Variants in TARS3 observed in about 807,000 individuals in gnomAD.
TARS3 encodes threonyl-tRNA synthetase 3, also known as threonine--tRNA ligase 2, cytoplasmic.
Under a neutral mutation model 103.5 loss-of-function variants are expected in TARS3, and 94 were observed. That is an observed-to-expected ratio of 0.91 (90% CI 0.77 to 1.08). TARS3 has a LOEUF of 1.08. TARS3 is among the 50% of genes least tolerant of loss of function. The pLI is 0.00. For missense variants in TARS3, 952 were observed against 995.2 expected, an observed-to-expected ratio of 0.96 and a Z score of 0.58; for synonymous variants, 416 against 355.4, an observed-to-expected ratio of 1.17 and a Z score of -1.92.
chr15:101,691,784 C>T (rs1268369184), intron 10 of TARS3, among the ~76,000 whole-genome samples: 1 of 152,118 alleles, frequency 6.6e-6, no homozygotes, highest in Non-Finnish European at 1.5e-5. Context: ...CCTTGTTGAT[C>T]CTAGATATCT....
chr15:101,659,314 A>G (rs1897293774), intron 16 of TARS3, among the ~76,000 whole-genome samples: 2 of 152,300 alleles, frequency 1.3e-5, no homozygotes, highest in South Asian at 2.1e-4. Flanking sequence ...TTTATTCTCA[A>G]ATTACAAACA....
At chr15:101,692,104 T>A (rs971561547) in intron 10 of TARS3, among the ~76,000 whole-genome samples, 1 of 152,258 alleles carries the variant, frequency 6.6e-6, no homozygotes, top group Admixed American at 6.5e-5. Flanking sequence ...ACTTTCCATA[T>A]GGTTTCTGAT....
chr15:101,723,225 A>C, intron 1 of TARS3, 61 bp from the exon 2 acceptor site: 3 of 1,496,110 alleles, frequency 2.0e-6, no homozygotes, highest in Non-Finnish European at 2.8e-6. Flanking sequence ...CATTTTAAGA[A>C]GAGAGTCATG....
chr15:101,714,282 C>G (rs1390313694), intron 4 of TARS3, among the ~76,000 whole-genome samples: 2 of 152,046 alleles, frequency 1.3e-5, no homozygotes, highest in Non-Finnish European at 2.9e-5. Context: ...ATAACCAAAG[C>G]ATTCTAACTT....
In TARS3 at chr15:101,661,826, G is replaced by A. The variant is rs554747267; in HGVS notation, c.1968-10C>T. 66 of 1,513,684 alleles carry A rather than the reference G, an allele frequency of 4.4e-5. No homozygotes were observed. The East Asian group carries it at 1.3e-3, about 29-fold the overall frequency. 93.8% of individuals were successfully genotyped at this position (1,513,684 alleles called of 1,614,324 possible). ...ATCATCCCCATCCTTACTAAAAAAT[G>A]AAAATTATACATTTAAGTCTTTTCC... On this transcript the variant is annotated splice_polypyrimidine_tract_variant and intron_variant, in intron 15 of 18. Transcript: ENST00000335968.
chr15:101,706,351 A>G (rs1290006135), intron 6 of TARS3, among the ~76,000 whole-genome samples: 1 of 152,244 alleles, frequency 6.6e-6, no homozygotes, highest in African/African-American at 2.4e-5. Context: ...CTTTGGAAGT[A>G]TAATGTTGCA....
chr15:101,668,591 A>G (rs1897673092), intron 15 of TARS3, among the ~76,000 whole-genome samples: 1 of 152,234 alleles, frequency 6.6e-6, no homozygotes, highest in African/African-American at 2.4e-5. Flanking sequence ...TGGCACTGAC[A>G]GACTTGCTTG....
rs1033495753 is a variant in TARS3 at position 101,705,691 on chromosome 15, G to A, written c.987C>T (p.Thr329=). The A allele has an allele frequency of 1.2e-5, 19 of 1,610,836 alleles. No individual in the cohort carries two copies. The highest frequency in any genetic ancestry group is 2.2e-5 in the East Asian group (1 of 44,868). The part of the protein sequence containing the change: ...LNEKVNTATT[T]VYRCGPLIDL... Reference sequence around the variant, plus strand: ...CATGTGTGGACACAAACCTGTACACGGTGGTAGTTGCAGTGTTAACTTTCT... The same window carrying A: ...CATGTGTGGACACAAACCTGTACACAGTGGTAGTTGCAGTGTTAACTTTCT... The change falls in exon 7 of 19, where the codon ACC becomes ACT. Residue 329 remains threonine, a synonymous_variant. Transcript: ENST00000335968.
chr15:101,723,081 G>A lies in TARS3; in HGVS notation c.369+12C>T, dbSNP rs369513910. 8.3e-5 allele frequency: 134 copies of A among 1,612,738 alleles called. No homozygotes were observed. The highest frequency in any genetic ancestry group is 1.1e-4 in the Non-Finnish European group (128 of 1,178,934). On this transcript the variant is annotated intron_variant, in intron 2 of 18. Coordinates refer to ENST00000335968, the MANE Select transcript of TARS3 (RefSeq NM_152334.3). ...GGTAGTATTTTATATTGTTTCCACAGCAACAACTTACCTCGCTGTCAGCCT... is the reference window on the plus strand; with the variant it reads ...GGTAGTATTTTATATTGTTTCCACAACAACAACTTACCTCGCTGTCAGCCT...
intron 7 of TARS3, among the ~76,000 whole-genome samples, chr15:101,705,402 G>A (rs1899505972): frequency 6.6e-6 from 1 of 152,148 alleles, no homozygotes; most frequent in African/African-American, 2.4e-5. Context: ...TGGAAGGACA[G>A]AATAGAAACT....
At chr15:101,679,184 T>G (rs1466658536) in intron 12 of TARS3, among the ~76,000 whole-genome samples, 2 of 152,226 alleles carry the variant, frequency 1.3e-5, no homozygotes, top group Non-Finnish European at 2.9e-5. Context: ...TTGCCAAATT[T>G]GGCAAGTTGT....
chr15:101,675,277 G>A (rs538688904), intron 13 of TARS3, among the ~76,000 whole-genome samples: 1 of 152,272 alleles, frequency 6.6e-6, no homozygotes, highest in Admixed American at 6.5e-5. Context: ...AACAGGCAAT[G>A]CTTTAAAATA....
intron 15 of TARS3, among the ~76,000 whole-genome samples, chr15:101,669,664 C>T (rs1897720445): frequency 6.6e-6 from 1 of 152,194 alleles, no homozygotes; most frequent in African/African-American, 2.4e-5. Flanking sequence ...AAATACCTTA[C>T]CACTGTGTTA....
At chr15:101,704,690 A>G (rs888464468) in intron 7 of TARS3, among the ~76,000 whole-genome samples, 1 of 151,844 alleles carries the variant, frequency 6.6e-6, no homozygotes, top group Non-Finnish European at 1.5e-5. Context: ...GAAAGCCATA[A>G]AAGAAAAGCT....
intron 3 of TARS3, among the ~76,000 whole-genome samples, chr15:101,720,474 C>T (rs1900392425): frequency 1.3e-5 from 2 of 152,082 alleles, no homozygotes; most frequent in Admixed American, 6.5e-5. Context: ...ATGGAAATTA[C>T]TTGATTGACG....
intron 3 of TARS3, among the ~76,000 whole-genome samples, chr15:101,715,233 G>A (rs1410001538): frequency 6.8e-6 from 1 of 146,648 alleles, no homozygotes; most frequent in Non-Finnish European, 1.5e-5. Flanking sequence ...TGCAAGCTCC[G>A]CCTCCCGGGT....
intron 10 of TARS3, among the ~76,000 whole-genome samples, chr15:101,691,655 A>G (rs1214370000): frequency 6.6e-6 from 1 of 152,198 alleles, no homozygotes; most frequent in African/African-American, 2.4e-5. Context: ...ACAAATAGTA[A>G]AAGAGTTACC....
At chr15:101,688,714 T>A (rs1188726739) in intron 10 of TARS3, among the ~76,000 whole-genome samples, 1 of 152,130 alleles carries the variant, frequency 6.6e-6, no homozygotes, top group Non-Finnish European at 1.5e-5. Flanking sequence ...AGAAGATGAA[T>A]GCTATAATAA....
intron 13 of TARS3, among the ~76,000 whole-genome samples, chr15:101,672,676 CGG>C (rs1195355730): frequency 6.6e-6 from 1 of 152,100 alleles, no homozygotes; most frequent in Non-Finnish European, 1.5e-5. Context: ...TTGAGAGAGA[CGG>C]AGATTTTTTT....
Sources: allele counts gnomAD v4.1 joint callset (sites outside exome capture counted in the v4.1 genomes callset), GRCh38; gene constraint gnomAD v4.1.1; transcripts MANE v1.5; gene names NCBI Gene and HGNC (gene_info 2026-07-23, HGNC 2026-07-21).